The following ICE1 variants were observed in gnomAD, a reference collection of about 807,000 sequenced individuals.
ICE1 encodes the protein interactor of little elongation complex ELL subunit 1.
Under a neutral mutation model 192.7 loss-of-function variants are expected in ICE1, and 64 were observed. That is an observed-to-expected ratio of 0.33 (90% CI 0.27 to 0.41). ICE1 has a LOEUF of 0.41. Among genes scored for constraint, ICE1 ranks in the 10% least tolerant of loss-of-function variants. The pLI is 1.00. For synonymous variants in ICE1, 1,010 were observed against 984.5 expected, an observed-to-expected ratio of 1.03 and a Z score of -0.49; for missense variants, 2,708 against 2,696.0, an observed-to-expected ratio of 1.00 and a Z score of -0.10.
intron 15 of ICE1, 130 bp downstream of exon 15, chr5:5,469,118 A>G: frequency 1.6e-6 from 1 of 631,934 alleles, no homozygotes; most frequent in Non-Finnish European, 2.4e-6. Context: ...TTAAAATTTA[A>G]TCAGTTTAGC....
At chr5:5,476,899 A>G (rs1362348726) in intron 17 of ICE1, among the ~76,000 whole-genome samples, 1 of 152,212 alleles carries the variant, frequency 6.6e-6, no homozygotes, top group African/African-American at 2.4e-5. Context: ...AGCGAATTAC[A>G]GAAATGAAAT....
chr5:5,437,213 A>G (rs1322755163), intron 3 of ICE1, 99 bp downstream of exon 3: 1 of 882,710 alleles, frequency 1.1e-6, no homozygotes, highest in Non-Finnish European at 1.8e-6. Flanking sequence ...CTTCTGGAAG[A>G]TAGTACTTAA....
Position 5,461,951 on chromosome 5 carries a change from G to A in ICE1, c.2617G>A (p.Ala873Thr), listed in dbSNP as rs1395961818. The A allele has an allele frequency of 6.2e-7, 1 of 1,613,916 alleles. No individual in the cohort carries two copies. The highest frequency in any genetic ancestry group is 1.1e-5 in the South Asian group (1 of 91,086). The part of the protein sequence containing the change: ...KQTRPEKVQS[A>T]KLEHLRPHRV... ...GACAAGACCTGAAAAGGTTCAGAGT[G>A]CCAAATTGGAACACTTGAGGCCACA... The change falls in exon 13 of 19, where the codon GCC (alanine) becomes ACC (threonine). Residue 873 changes from alanine (A) to threonine (T), a missense_variant. Physicochemically the swap from Ala to Thr is moderately conservative, Grantham distance 58. Around this residue, in one of 2 missense-constraint regions of ICE1, gnomAD observed 2,366 missense variants for 2,276.6 expected, o/e 1.04. Transcript: ENST00000296564.
chr5:5,466,455 G>C lies in ICE1; in HGVS notation c.6014G>C (p.Gly2005Ala). The change falls in exon 14 of 19, where the codon GGA (glycine) becomes GCA (alanine). Residue 2005 changes from glycine (G) to alanine (A), a missense_variant. Physicochemically the swap from Gly to Ala is moderately conservative, Grantham distance 60. Transcript: ENST00000296564. ...RVYVGICRQLGDLERARLFCY... is the reference protein window; with the variant it reads ...RVYVGICRQLADLERARLFCY... ...TATGTGGGTATTTGTCGGCAACTCGGAGACTTGGAAAGAGCTCGTTTGTTT... is the reference window on the plus strand; with the variant it reads ...TATGTGGGTATTTGTCGGCAACTCGCAGACTTGGAAAGAGCTCGTTTGTTT... 1.2e-6 allele frequency: 2 copies of C among 1,613,288 alleles called. No homozygotes were observed. The highest frequency in any genetic ancestry group is 1.7e-6 in the Non-Finnish European group (2 of 1,179,642).
intron 4 of ICE1, among the ~76,000 whole-genome samples, chr5:5,440,435 G>A (rs1174232701): frequency 6.6e-6 from 1 of 152,174 alleles, no homozygotes; most frequent in Non-Finnish European, 1.5e-5. Flanking sequence ...CGGATTCTCA[G>A]CCAGGCTGTT....
intron 1 of ICE1, among the ~76,000 whole-genome samples, chr5:5,423,242 G>T (rs945943110): frequency 6.6e-6 from 1 of 152,152 alleles, no homozygotes; most frequent in African/African-American, 2.4e-5. Flanking sequence ...TGGTGTAACG[G>T]TGGGGGTGGA....
chr5:5,455,600 C>T (rs1738560578), intron 11 of ICE1, among the ~76,000 whole-genome samples: 1 of 152,100 alleles, frequency 6.6e-6, no homozygotes, highest in African/African-American at 2.4e-5. Flanking sequence ...TAAAAATATG[C>T]TTTTGAGGGG....
chr5:5,473,519 G>C, intron 15 of ICE1, 39 bp from the exon 16 acceptor site: 3 of 1,558,160 alleles, frequency 1.9e-6, no homozygotes, highest in Non-Finnish European at 2.6e-6. Flanking sequence ...CATTCTATTT[G>C]AAACTCCAGA....
At chr5:5,487,179 C>T (rs117437189) in intron 18 of ICE1, among the ~76,000 whole-genome samples, 4 of 152,228 alleles carry the variant, frequency 2.6e-5, no homozygotes, top group East Asian at 1.9e-4. Flanking sequence ...TGTGTCTTGA[C>T]GGAATGAAAT....
chr5:5,466,600 T>C, intron 14 of ICE1, 98 bp downstream of exon 14: 1 of 1,019,460 alleles, frequency 9.8e-7, no homozygotes. Context: ...CTGTGTGTCT[T>C]TTAAAATAAT....
chr5:5,439,640 C>G (rs182066261), intron 3 of ICE1, among the ~76,000 whole-genome samples: 73 of 152,264 alleles, frequency 4.8e-4, no homozygotes, highest in Non-Finnish European at 7.9e-4. Flanking sequence ...TCTGATCATA[C>G]ATTTATTCAC....
intron 1 of ICE1, 147 bp from the exon 2 acceptor site, chr5:5,436,271 T>A (rs530599390): frequency 2.1e-6 from 1 of 472,830 alleles, no homozygotes; most frequent in South Asian, 4.2e-5. Context: ...TAGGCTCAGA[T>A]TGTGCTCTAC....
chr5:5,423,429 G>A (rs961162482), intron 1 of ICE1, among the ~76,000 whole-genome samples: 1 of 56,704 alleles, frequency 1.8e-5, no homozygotes, highest in African/African-American at 9.0e-5. Flanking sequence ...AGAATCTTAC[G>A]TGACATGTGG....
At chr5:5,487,780 T>C (rs1432307387) in intron 18 of ICE1, among the ~76,000 whole-genome samples, 2 of 152,196 alleles carry the variant, frequency 1.3e-5, no homozygotes, top group Non-Finnish European at 2.9e-5. Flanking sequence ...GTAATCCTCG[T>C]CCCCATGAGG....
At chr5:5,443,027 C>T in intron 5 of ICE1, 141 bp from the exon 6 acceptor site, 7 of 522,222 alleles carry the variant, frequency 1.3e-5, no homozygotes, top group South Asian at 8.1e-5. Flanking sequence ...ATCTGGTTAC[C>T]TCTATTAAAA....
At chr5:5,449,958 G>C (rs1738364431) in intron 10 of ICE1, among the ~76,000 whole-genome samples, 1 of 152,154 alleles carries the variant, frequency 6.6e-6, no homozygotes, top group Non-Finnish European at 1.5e-5. Context: ...CCCCTGCAAG[G>C]CAGGGTCCCA....
chr5:5,455,635 A>G (rs1225594752), intron 11 of ICE1, among the ~76,000 whole-genome samples: 2 of 152,214 alleles, frequency 1.3e-5, no homozygotes, highest in African/African-American at 4.8e-5. Context: ...TAATTTTTCC[A>G]AAGTAGAAGG....
intron 14 of ICE1, among the ~76,000 whole-genome samples, chr5:5,467,520 C>G (rs1411053452): frequency 6.6e-6 from 1 of 152,216 alleles, no homozygotes; most frequent in African/African-American, 2.4e-5. Flanking sequence ...CACATACCTT[C>G]CTAGTCATCC....
At chr5:5,488,708 G>C (rs72643754) in intron 18 of ICE1, among the ~76,000 whole-genome samples, 4,993 of 152,176 alleles carry the variant, frequency 0.033, 178 homozygotes, top group East Asian at 0.15. Flanking sequence ...CTCTTATTAT[G>C]TTTTCTCATT....
Sources: allele counts gnomAD v4.1 joint callset (sites outside exome capture counted in the v4.1 genomes callset), GRCh38; gene constraint gnomAD v4.1.1; regional missense constraint gnomAD v4.1.1; transcripts MANE v1.5; gene names NCBI Gene and HGNC (gene_info 2026-07-23, HGNC 2026-07-21).